The following CALN1 variants were observed in gnomAD, a reference collection of about 807,000 sequenced individuals.
The protein encoded by CALN1 is calneuron 1, also known as calcium-binding protein 8.
In CALN1, 17 loss-of-function variants were observed where a neutral mutation model predicts 30.6. The ratio of observed to expected loss-of-function variants is 0.56; its 90% CI spans 0.38 to 0.83. The LOEUF (loss-of-function observed/expected upper bound fraction) is 0.83, where lower values mean the gene tolerates loss of function less well. CALN1 is among the 40% of genes least tolerant of loss of function. The probability of loss-of-function intolerance (pLI) is 0.00; values close to 1 mark genes in which losing one functional copy is unlikely to be tolerated. For synonymous variants in CALN1, 156 were observed against 131.4 expected, an observed-to-expected ratio of 1.19 and a Z score of -1.28; for missense variants, 291 against 354.9, an observed-to-expected ratio of 0.82 and a Z score of 1.45.
chr7:72,441,424 C>T (rs1284780639), intron 1 of CALN1, among the ~76,000 whole-genome samples: 1 of 151,708 alleles, frequency 6.6e-6, no homozygotes, highest in Non-Finnish European at 1.5e-5. Context: ...AGGATGAAAC[C>T]CCGTCTCTAC....
intron 2 of CALN1, among the ~76,000 whole-genome samples, chr7:72,349,575 G>A (rs2129559208): frequency 6.6e-6 from 1 of 152,212 alleles, no homozygotes; most frequent in Non-Finnish European, 1.5e-5. Flanking sequence ...CTTCTTTTAA[G>A]GAACAATACA....
chr7:72,275,483 T>C (rs1397661194), intron 3 of CALN1, among the ~76,000 whole-genome samples: 1 of 152,100 alleles, frequency 6.6e-6, no homozygotes, highest in Non-Finnish European at 1.5e-5. Context: ...GAGATGCTTG[T>C]AATAAACCAG....
chr7:72,013,239 A>G (rs536982408), intron 5 of CALN1, among the ~76,000 whole-genome samples: 1 of 144,552 alleles, frequency 6.9e-6, no homozygotes, highest in African/African-American at 2.7e-5. Flanking sequence ...TAATTTTGCT[A>G]ATTTGAGATT....
At chr7:72,019,351 C>CCT (rs1215584090) in intron 5 of CALN1, among the ~76,000 whole-genome samples, 8 of 152,130 alleles carry the variant, frequency 5.3e-5, no homozygotes, top group African/African-American at 1.9e-4. Context: ...TGGTAGCTAG[C>CCT]CTCCAAAGTG....
chr7:72,147,751 T>C (rs1786872853), intron 3 of CALN1, among the ~76,000 whole-genome samples: 1 of 151,958 alleles, frequency 6.6e-6, no homozygotes, highest in Admixed American at 6.6e-5. Flanking sequence ...ATATACACCA[T>C]GGAATACTAT....
At chr7:71,961,092 C>T (rs981600535) in intron 5 of CALN1, among the ~76,000 whole-genome samples, 16 of 152,214 alleles carry the variant, frequency 1.1e-4, no homozygotes, top group African/African-American at 3.9e-4. Flanking sequence ...GCTGGAATTA[C>T]AGGCATGAGC....
intron 5 of CALN1, among the ~76,000 whole-genome samples, chr7:71,883,893 A>C (rs1424985099): frequency 6.6e-6 from 1 of 152,086 alleles, no homozygotes; most frequent in African/African-American, 2.4e-5. Flanking sequence ...TCCTCCTGAG[A>C]AACTGGATAT....
chr7:72,080,537 GGTT>G (rs1473064192), intron 4 of CALN1, among the ~76,000 whole-genome samples: 23 of 152,302 alleles, frequency 1.5e-4, no homozygotes, highest in Admixed American at 3.9e-4. Flanking sequence ...TGAACAAGCT[GGTT>G]GTTAATTGTG....
intron 5 of CALN1, among the ~76,000 whole-genome samples, chr7:71,935,578 T>C (rs1401768574): frequency 1.3e-5 from 2 of 152,108 alleles, no homozygotes; most frequent in South Asian, 2.1e-4. Context: ...CCAAATTAGC[T>C]AGGCGTGGTT....
chr7:72,132,961 G>C (rs961105695), intron 3 of CALN1, among the ~76,000 whole-genome samples: 3 of 152,028 alleles, frequency 2.0e-5, no homozygotes. Flanking sequence ...TCTCATAGGA[G>C]CGGGTACCCT....
the CALN1 span, among the ~76,000 whole-genome samples, chr7:72,487,917 A>AAGGAAGGAAGGAAGGAAGGAAGG: frequency 1.6e-5 from 1 of 62,284 alleles, no homozygotes; most frequent in African/African-American, 8.1e-5. Flanking sequence ...AAAGAAAGAA[A>AAGGAAGGAAGGAAGGAAGGAAGG]GAAGGAAGGA....
chr7:71,957,663 C>A (rs1266484583), intron 5 of CALN1, among the ~76,000 whole-genome samples: 2 of 152,062 alleles, frequency 1.3e-5, no homozygotes, highest in Non-Finnish European at 2.9e-5. Context: ...AGGTGATTCT[C>A]CGGATTTTTT....
At chr7:72,406,721 A>G (rs1164283415) in intron 1 of CALN1, among the ~76,000 whole-genome samples, 2 of 150,434 alleles carry the variant, frequency 1.3e-5, no homozygotes, top group African/African-American at 4.9e-5. Flanking sequence ...GGTTCAAGCC[A>G]TTCTCCTGCC....
At chr7:72,309,840 G>A (rs929502455) in intron 2 of CALN1, among the ~76,000 whole-genome samples, 1 of 152,170 alleles carries the variant, frequency 6.6e-6, no homozygotes, top group Non-Finnish European at 1.5e-5. Context: ...ACCAGGTCCA[G>A]GGAGATTTGC....
chr7:71,859,581 C>T (rs760908485), intron 5 of CALN1, among the ~76,000 whole-genome samples: 11 of 152,168 alleles, frequency 7.2e-5, no homozygotes, highest in Non-Finnish European at 1.5e-4. Flanking sequence ...CAGGTACACT[C>T]CAAATTCATT....
chr7:72,100,919 T>A (rs917894393), intron 4 of CALN1, among the ~76,000 whole-genome samples: 2 of 151,832 alleles, frequency 1.3e-5, no homozygotes, highest in East Asian at 3.9e-4. Flanking sequence ...AAGTTGCTAA[T>A]TGCTAATTCC....
intron 5 of CALN1, among the ~76,000 whole-genome samples, chr7:71,947,926 C>A: frequency 8.5e-6 from 1 of 117,230 alleles, no homozygotes; most frequent in African/African-American, 3.4e-5. Context: ...CAGAGCAAGA[C>A]TCCGTCTCAA....
intron 5 of CALN1, among the ~76,000 whole-genome samples, chr7:71,865,248 C>G (rs1211368280): frequency 6.6e-6 from 1 of 152,080 alleles, no homozygotes; most frequent in East Asian, 1.9e-4. Context: ...CCCCTTGGTG[C>G]TGCCCTGTCA....
intron 5 of CALN1, among the ~76,000 whole-genome samples, chr7:71,998,572 T>C (rs575919769): frequency 3.4e-5 from 5 of 145,750 alleles, no homozygotes; most frequent in East Asian, 4.5e-4. Flanking sequence ...CGAACAGATA[T>C]ACTTTTTTTT....
Sources: gnomAD v4.1 joint callset for allele counts (sites outside exome capture counted in the v4.1 genomes callset) on GRCh38, gnomAD v4.1.1 for gene constraint, MANE v1.5 for transcripts, NCBI Gene and HGNC (gene_info 2026-07-23, HGNC 2026-07-21) for gene names.